Variants in COP1 observed in about 807,000 individuals in gnomAD.
COP1 encodes COP1 E3 ubiquitin ligase, also known as E3 ubiquitin-protein ligase COP1.
COP1 carries 24 observed loss-of-function variants against 101.3 expected under a neutral mutation model. The observed-to-expected ratio is 0.24, with a 90% CI of 0.17 to 0.33. The LOEUF (loss-of-function observed/expected upper bound fraction) is 0.33. COP1 is among the 10% of genes least tolerant of loss of function. The pLI, the probability that COP1 is intolerant of heterozygous loss-of-function variation, is 1.00. For missense variants in COP1, 663 were observed against 906.2 expected (o/e 0.73, Z 3.45); for synonymous variants, 347 against 341.9 (o/e 1.01, Z -0.17).
intron 18 of COP1, among the ~76,000 whole-genome samples, chr1:175,961,718 G>T (rs1157117774): frequency 2.8e-5 from 3 of 107,554 alleles, no homozygotes; most frequent in Admixed American, 9.7e-5. Context: ...AAAAAAAAAA[G>T]AATATATTAT....
intron 8 of COP1, among the ~76,000 whole-genome samples, chr1:176,119,907 A>G (rs1423346796): frequency 6.6e-6 from 1 of 152,188 alleles, no homozygotes; most frequent in African/African-American, 2.4e-5. Context: ...GAGAGATTAT[A>G]TATGTGGCCC....
At chr1:176,013,039 GT>G (rs1417592794) in intron 15 of COP1, among the ~76,000 whole-genome samples, 1 of 152,114 alleles carries the variant, frequency 6.6e-6, no homozygotes, top group East Asian at 1.9e-4. Context: ...AGTGACCATA[GT>G]ATATGCTTAT....
intron 10 of COP1, among the ~76,000 whole-genome samples, chr1:176,083,125 A>G (rs939693503): frequency 1.4e-4 from 21 of 152,196 alleles, no homozygotes. Flanking sequence ...TGTACTGCAG[A>G]GTGGTCTGGA....
chr1:176,162,153 G>C (rs1039680731), intron 5 of COP1, among the ~76,000 whole-genome samples: 2 of 152,126 alleles, frequency 1.3e-5, no homozygotes, highest in African/African-American at 4.8e-5. Context: ...GTCTTCCAGA[G>C]AAGCCATGGT....
At chr1:175,977,572 A>G (rs548527165) in intron 18 of COP1, among the ~76,000 whole-genome samples, 1 of 152,270 alleles carries the variant, frequency 6.6e-6, no homozygotes, top group African/African-American at 2.4e-5. Context: ...AATAAGAGAT[A>G]AAAAAGGTAC....
intron 8 of COP1, among the ~76,000 whole-genome samples, chr1:176,122,384 G>A (rs960966715): frequency 3.9e-5 from 6 of 152,058 alleles, no homozygotes; most frequent in African/African-American, 1.4e-4. Context: ...CAAAATCGGT[G>A]AAGGCAGGAA....
intron 5 of COP1, among the ~76,000 whole-genome samples, chr1:176,149,641 T>C (rs1692107895): frequency 6.6e-6 from 1 of 152,064 alleles, no homozygotes; most frequent in African/African-American, 2.4e-5. Flanking sequence ...AGTGGACAGC[T>C]TGCGGGTAGG....
chr1:175,953,568 A>G (rs558018774), intron 18 of COP1, among the ~76,000 whole-genome samples: 6 of 152,142 alleles, frequency 3.9e-5, no homozygotes, highest in African/African-American at 1.4e-4. Flanking sequence ...GATCAGCTTG[A>G]GCAACAAAGT....
chr1:176,058,184 G>GGTA (rs756720627), intron 11 of COP1, among the ~76,000 whole-genome samples: 1 of 45,142 alleles, frequency 2.2e-5, no homozygotes, highest in East Asian at 1.5e-3. Context: ...CCGGTAGGGA[G>GGTA]GGGGGGGGTC....
rs1386173203 is a variant in COP1, at chr1:176,006,388, A to G, written c.1730-16909T>C. ...TGTTATGTGTGAATTTGATCCTGTC[A>G]TTATGATGTTAGCTGGTTATTTTGC... On this transcript the variant is annotated intron_variant, in intron 15 of 19. Transcript: ENST00000367669. Among the ~76,000 whole-genome samples the G allele has an allele frequency of 2.0e-5, 3 of 152,140 alleles. No individual in the cohort carries two copies. The East Asian group carries it at 5.8e-4, about 29-fold the overall frequency.
chr1:176,139,297 A>G (rs924076710), intron 6 of COP1, among the ~76,000 whole-genome samples: 1 of 151,788 alleles, frequency 6.6e-6, no homozygotes, highest in Non-Finnish European at 1.5e-5. Flanking sequence ...ACAAAAAAAA[A>G]AAACAAAAAA....
At position 175,945,182 on chromosome 1, in the gene COP1, G is replaced by GA; in HGVS notation, c.2179-13dup. The GA allele has an allele frequency of 3.9e-6, 6 of 1,549,934 alleles. No individual in the cohort carries two copies. The highest frequency in any genetic ancestry group is 2.3e-5 in the East Asian group (1 of 43,744). The stretch of plus-strand genomic sequence containing the variant: ...ACCAATTCTAGCACCTAATTGGGGG[G>GA]AAAAAAGGATCCATTTAATAAAATC... On this transcript the variant is annotated splice_polypyrimidine_tract_variant and intron_variant, in intron 19 of 19. Transcript: ENST00000367669.
At chr1:175,977,763 T>C (rs1399156272) in intron 18 of COP1, among the ~76,000 whole-genome samples, 3 of 152,170 alleles carry the variant, frequency 2.0e-5, no homozygotes, top group Non-Finnish European at 4.4e-5. Context: ...AAGCAAAACA[T>C]ACTTATTTTT....
chr1:176,161,219 T>TA (rs1329708384), intron 5 of COP1, among the ~76,000 whole-genome samples: 3 of 152,204 alleles, frequency 2.0e-5, no homozygotes, highest in Non-Finnish European at 4.4e-5. Context: ...TTTGCCTCTT[T>TA]AAAATCCCTA....
At chr1:176,152,033 A>T (rs1692689446) in intron 5 of COP1, among the ~76,000 whole-genome samples, 1 of 151,856 alleles carries the variant, frequency 6.6e-6, no homozygotes, top group Non-Finnish European at 1.5e-5. Context: ...TGTTGGCTGC[A>T]AAATCCTAGC....
intron 1 of COP1, 89 bp downstream of exon 1, chr1:176,206,483 G>C: frequency 6.7e-7 from 1 of 1,486,936 alleles, no homozygotes; most frequent in Non-Finnish European, 9.2e-7. Flanking sequence ...TCTCCAACAA[G>C]CCACCCCCAC....
intron 10 of COP1, among the ~76,000 whole-genome samples, chr1:176,085,525 G>C (rs1321920330): frequency 6.6e-6 from 1 of 152,034 alleles, no homozygotes; most frequent in East Asian, 1.9e-4. Flanking sequence ...CATATTCATA[G>C]CTGAATTTCT....
intron 15 of COP1, among the ~76,000 whole-genome samples, chr1:176,018,080 T>C (rs990172436): frequency 6.6e-6 from 1 of 152,226 alleles, no homozygotes; most frequent in African/African-American, 2.4e-5. Flanking sequence ...TCCTATTTTC[T>C]ATCACATACA....
chr1:175,990,443 G>A (rs1453024750), intron 15 of COP1, among the ~76,000 whole-genome samples: 1 of 152,106 alleles, frequency 6.6e-6, no homozygotes, highest in East Asian at 1.9e-4. Flanking sequence ...ACTTGCTTGA[G>A]AAGAATGTGC....
Sources: gnomAD v4.1 joint callset for allele counts (sites outside exome capture counted in the v4.1 genomes callset) on GRCh38, gnomAD v4.1.1 for gene constraint, MANE v1.5 for transcripts, NCBI Gene and HGNC (gene_info 2026-07-23, HGNC 2026-07-21) for gene names.